DAB1: variants seen among roughly 807,000 people sequenced by gnomAD.
The protein encoded by DAB1 is DAB adaptor protein 1, also known as disabled homolog 1.
Under a neutral mutation model 64.6 loss-of-function variants are expected in DAB1, and 15 were observed. The ratio of observed to expected loss-of-function variants is 0.23; its 90% CI spans 0.16 to 0.36. The LOEUF (loss-of-function observed/expected upper bound fraction) is 0.36, where lower values mean the gene tolerates loss of function less well. Among genes scored for constraint, DAB1 ranks in the 10% least tolerant of loss-of-function variants. The pLI, the probability that DAB1 is intolerant of heterozygous loss-of-function variation, is 1.00. For missense variants in DAB1, 596 were observed against 706.7 expected, an observed-to-expected ratio of 0.84 and a Z score of 1.78; for synonymous variants, 235 against 251.9, an observed-to-expected ratio of 0.93 and a Z score of 0.64.
intron 1 of DAB1, among the ~76,000 whole-genome samples, chr1:57,854,039 G>T (rs920944184): frequency 6.6e-6 from 1 of 152,040 alleles, no homozygotes; most frequent in South Asian, 2.1e-4. Context: ...CCTCTATGCT[G>T]CAAATACTGC....
chr1:57,055,470 C>G (rs1316707789), intron 9 of DAB1, among the ~76,000 whole-genome samples: 1 of 152,058 alleles, frequency 6.6e-6, no homozygotes, highest in African/African-American at 2.4e-5. Flanking sequence ...AAAACTAGGG[C>G]AAGAATGAGT....
chr1:57,285,760 A>G (rs893819605), intron 2 of DAB1, among the ~76,000 whole-genome samples: 35 of 152,146 alleles, frequency 2.3e-4, no homozygotes, highest in African/African-American at 8.4e-4. Context: ...TGCTCTTTCC[A>G]CTACACTAAG....
At chr1:57,174,291 C>T (rs1392975893) in intron 2 of DAB1, among the ~76,000 whole-genome samples, 1 of 152,150 alleles carries the variant, frequency 6.6e-6, no homozygotes, top group African/African-American at 2.4e-5. Flanking sequence ...CAGATACAGA[C>T]CTGGCCCAGG....
At chr1:57,197,683 A>G (rs1664745366) in intron 2 of DAB1, among the ~76,000 whole-genome samples, 2 of 152,246 alleles carry the variant, frequency 1.3e-5, no homozygotes, top group Admixed American at 1.3e-4. Flanking sequence ...ATGGTTTTAC[A>G]TCCCCTTTGA....
At chr1:58,153,401 T>C (rs1655051493) in intron 4 of DAB1, among the ~76,000 whole-genome samples, 1 of 152,192 alleles carries the variant, frequency 6.6e-6, no homozygotes, top group Admixed American at 6.5e-5. Flanking sequence ...CCCAGGCTGC[T>C]GTTGTTTTCT....
chr1:58,138,551 A>G lies in DAB1; in HGVS notation n.387+11960T>C, dbSNP rs116744709. ...AAAACAATGAGTTTGAGGTTTGTGCACTGGGATCTGATCATGGGGCACTGG... is the reference window on the plus strand; with the variant it reads ...AAAACAATGAGTTTGAGGTTTGTGCGCTGGGATCTGATCATGGGGCACTGG... On this transcript the variant is annotated intron_variant and non_coding_transcript_variant, in intron 5 of 20. Coordinates refer to the DAB1 transcript ENST00000485760. 8.4e-3 allele frequency among the ~76,000 whole-genome samples: 1,273 copies of G among 152,302 alleles called. 11 individuals are homozygous for G. Among genetic ancestry groups the G allele is most frequent in the Middle Eastern group, 0.014 (4 of 294 alleles).
chr1:57,721,578 C>A (rs1213615510), intron 6 of DAB1, among the ~76,000 whole-genome samples: 1 of 152,158 alleles, frequency 6.6e-6, no homozygotes, highest in Non-Finnish European at 1.5e-5. Flanking sequence ...CAAGGCCACA[C>A]CAGTAGTAAG....
chr1:58,347,908 G>T (rs1644017051), intron 3 of DAB1, among the ~76,000 whole-genome samples: 1 of 152,166 alleles, frequency 6.6e-6, no homozygotes, highest in Non-Finnish European at 1.5e-5. Context: ...CTGAGCTCCT[G>T]CAAGGCAGCC....
intron 5 of DAB1, among the ~76,000 whole-genome samples, chr1:58,087,259 A>G (rs1428166281): frequency 6.6e-6 from 1 of 152,226 alleles, no homozygotes; most frequent in Non-Finnish European, 1.5e-5. Context: ...TGAGGACTCA[A>G]TAACTATGCT....
At chr1:58,236,745 C>T (rs570365575) in intron 4 of DAB1, among the ~76,000 whole-genome samples, 45 of 152,304 alleles carry the variant, frequency 3.0e-4, no homozygotes, top group African/African-American at 9.9e-4. Context: ...AAGCTCAAAC[C>T]GAACACCACA....
At chr1:57,135,237 C>A (rs141459973) in intron 4 of DAB1, among the ~76,000 whole-genome samples, 1 of 152,192 alleles carries the variant, frequency 6.6e-6, no homozygotes, top group African/African-American at 2.4e-5. Flanking sequence ...AAACCTCATG[C>A]CTACTAAATA....
chr1:57,212,429 G>A (rs1047457046), intron 2 of DAB1, among the ~76,000 whole-genome samples: 13 of 135,762 alleles, frequency 9.6e-5, no homozygotes, highest in Non-Finnish European at 1.7e-4. Context: ...GTGCAGTGGC[G>A]CGATCTCAGC....
intron 5 of DAB1, among the ~76,000 whole-genome samples, chr1:58,085,795 C>T (rs1415643336): frequency 6.6e-6 from 1 of 152,128 alleles, no homozygotes; most frequent in Non-Finnish European, 1.5e-5. Context: ...TGCTGTTACA[C>T]ATTTCCAATA....
chr1:57,315,077 C>A (rs371463420), intron 1 of DAB1, among the ~76,000 whole-genome samples: 1 of 152,132 alleles, frequency 6.6e-6, no homozygotes, highest in Non-Finnish European at 1.5e-5. Flanking sequence ...GAAATGCCCA[C>A]CACCCCACTT....
chr1:57,180,885 T>C (rs1662851402), intron 2 of DAB1, among the ~76,000 whole-genome samples: 1 of 152,216 alleles, frequency 6.6e-6, no homozygotes, highest in African/African-American at 2.4e-5. Flanking sequence ...ACCTTTCTTT[T>C]GCTCTTTCAT....
chr1:58,527,463 C>G, intron 1 of DAB1: 2 of 596,704 alleles, frequency 3.4e-6, no homozygotes, highest in Non-Finnish European at 6.0e-6. Flanking sequence ...TGTCTACTAA[C>G]ATTAAAATAA....
intron 2 of DAB1, among the ~76,000 whole-genome samples, chr1:57,226,672 A>AAT (rs61660460): frequency 0.016 from 2,171 of 135,934 alleles, 31 homozygotes; most frequent in South Asian, 0.029. Context: ...TTAAAAAAAA[A>AAT]ATATATATAT....
rs950937677 is a variant in DAB1 at position 57,151,214 on chromosome 1, G to A, written c.68-5785C>T. ...ATTAATGACCCAGGTTTGTTGTGAG[G>A]ATTAGATTAAAAAGAACATTATAGC... On this transcript the variant is annotated intron_variant, in intron 2 of 14. Coordinates refer to ENST00000371236, the MANE Select transcript of DAB1 (RefSeq NM_001365792.1). Among the ~76,000 whole-genome samples, 5 of 152,212 alleles carry A rather than the reference G, an allele frequency of 3.3e-5. No homozygotes were observed. In the South Asian group the frequency reaches 6.2e-4, roughly 19 times the overall value.
chr1:58,034,502 G>A (rs2100488991), intron 5 of DAB1, among the ~76,000 whole-genome samples: 1 of 152,324 alleles, frequency 6.6e-6, no homozygotes, highest in East Asian at 1.9e-4. Flanking sequence ...AAGTTTTGGG[G>A]TAACTTGCTG....
Sources: gnomAD v4.1 joint callset for allele counts (sites outside exome capture counted in the v4.1 genomes callset) on GRCh38, gnomAD v4.1.1 for gene constraint, MANE v1.5 for transcripts, NCBI Gene and HGNC (gene_info 2026-07-23, HGNC 2026-07-21) for gene names.